ACOXL: variants seen among roughly 807,000 people sequenced by gnomAD.
The protein encoded by ACOXL is acyl-CoA oxidase like, also known as acyl-coenzyme A oxidase-like protein.
In ACOXL, 70 loss-of-function variants were observed where a neutral mutation model predicts 71.9. That is an observed-to-expected ratio of 0.97 (90% confidence interval 0.80 to 1.19). The LOEUF (loss-of-function observed/expected upper bound fraction) is 1.19. Ranked by LOEUF, ACOXL falls within the 50% of genes most tolerant of loss-of-function variation. The probability of loss-of-function intolerance (pLI) is 0.00; values close to 1 mark genes in which losing one functional copy is unlikely to be tolerated. For synonymous variants in ACOXL, 253 were observed against 281.6 expected (o/e 0.90, Z 1.02); for missense variants, 703 against 736.3 (o/e 0.95, Z 0.52).
intron 11 of ACOXL, among the ~76,000 whole-genome samples, chr2:110,931,382 C>G (rs1329665809): frequency 6.6e-6 from 1 of 152,106 alleles, no homozygotes; most frequent in Non-Finnish European, 1.5e-5. Context: ...TTGGAGAGAT[C>G]AATGGGGAAT....
At chr2:111,104,918 G>T (rs1391529709) in intron 17 of ACOXL, among the ~76,000 whole-genome samples, 1 of 151,982 alleles carries the variant, frequency 6.6e-6, no homozygotes, top group Non-Finnish European at 1.5e-5. Context: ...GATCCTGAAG[G>T]TATTATCCTA....
intron 9 of ACOXL, among the ~76,000 whole-genome samples, chr2:110,820,667 T>G (rs189301325): frequency 1.3e-5 from 2 of 152,202 alleles, no homozygotes; most frequent in Non-Finnish European, 2.9e-5. Context: ...GAGACTGTTA[T>G]ACCTCTGGTC....
chr2:111,085,544 C>A (rs566845022), intron 16 of ACOXL, among the ~76,000 whole-genome samples: 1 of 152,176 alleles, frequency 6.6e-6, no homozygotes, highest in East Asian at 1.9e-4. Flanking sequence ...AACAGAGATA[C>A]AATACAGCAG....
At chr2:110,782,440 A>C (rs186485102) in intron 2 of ACOXL, among the ~76,000 whole-genome samples, 5 of 152,372 alleles carry the variant, frequency 3.3e-5, no homozygotes, top group African/African-American at 9.6e-5. Flanking sequence ...GCTTATTCTC[A>C]GTTCTGGAAC....
intron 10 of ACOXL, among the ~76,000 whole-genome samples, chr2:110,848,173 A>G (rs986303089): frequency 2.0e-5 from 3 of 152,216 alleles, no homozygotes; most frequent in African/African-American, 7.2e-5. Flanking sequence ...GATCTTGTGG[A>G]GACAGCTGAG....
In ACOXL at chr2:110,851,735, G is replaced by A. The variant is rs188411786; in HGVS notation, c.788+10330G>A. Among the ~76,000 whole-genome samples, 41 of 152,308 alleles carry A rather than the reference G, an allele frequency of 2.7e-4. No homozygotes were observed. The East Asian group carries it at 4.4e-3, about 17-fold the overall frequency. ...CAGGGCGCTGGGATGACATCCCTCC[G>A]TGAAATACAGGTGCCTGAGGCCATG... On this transcript the variant is annotated intron_variant, in intron 10 of 17. Coordinates refer to ENST00000439055, the MANE Select transcript of ACOXL (RefSeq NM_001142807.4).
intron 12 of ACOXL, among the ~76,000 whole-genome samples, chr2:110,974,533 T>TA (rs2062358715): frequency 6.6e-6 from 1 of 152,222 alleles, no homozygotes; most frequent in African/African-American, 2.4e-5. Context: ...TCATTAGAGA[T>TA]ACACTAAGAC....
chr2:110,886,736 AG>A (rs1217725952), intron 10 of ACOXL: 1 of 1,550,310 alleles, frequency 6.5e-7, no homozygotes, highest in Non-Finnish European at 8.7e-7. Flanking sequence ...GCCTTGCGGA[AG>A]AACTGAATTT....
At chr2:110,772,257 G>GC (rs1261903578) in intron 2 of ACOXL, among the ~76,000 whole-genome samples, 1 of 152,142 alleles carries the variant, frequency 6.6e-6, no homozygotes, top group Non-Finnish European at 1.5e-5. Flanking sequence ...GGTGGTGCTT[G>GC]CCCCTGTCTG....
chr2:111,104,405 A>C (rs1448313661), intron 17 of ACOXL, among the ~76,000 whole-genome samples: 1 of 152,208 alleles, frequency 6.6e-6, no homozygotes, highest in Non-Finnish European at 1.5e-5. Flanking sequence ...ATTTTTAAGA[A>C]ATTACCAAAC....
chr2:110,956,588 G>A (rs76975690), intron 12 of ACOXL, among the ~76,000 whole-genome samples: 2,010 of 152,246 alleles, frequency 0.013, 17 homozygotes, highest in Non-Finnish European at 0.022. Flanking sequence ...GCACCACTGG[G>A]CACGGTGGAG....
intron 12 of ACOXL, among the ~76,000 whole-genome samples, chr2:110,983,137 C>T (rs1371397158): frequency 6.6e-6 from 1 of 152,226 alleles, no homozygotes; most frequent in East Asian, 1.9e-4. Context: ...TTGGAAATCA[C>T]ATTTTTCTAT....
chr2:110,968,342 G>A, intron 12 of ACOXL: 1 of 1,165,084 alleles, frequency 8.6e-7, no homozygotes, highest in Non-Finnish European at 1.3e-6. Flanking sequence ...GTGGCTGGAG[G>A]CTCATCTGTC....
intron 16 of ACOXL, 29 bp from the exon 17 acceptor site, chr2:111,092,836 C>T (rs757884064): frequency 4.0e-6 from 6 of 1,486,344 alleles, no homozygotes; most frequent in South Asian, 2.3e-5. Context: ...GCTATTTGTC[C>T]ATTTCTTTTG....
At chr2:110,805,031 C>A (rs139869186) in intron 8 of ACOXL, among the ~76,000 whole-genome samples, 1 of 152,156 alleles carries the variant, frequency 6.6e-6, no homozygotes, top group Non-Finnish European at 1.5e-5. Flanking sequence ...AGTCAGGCTC[C>A]GGTGCTGGTT....
chr2:110,957,332 A>G (rs1259188216), intron 12 of ACOXL, among the ~76,000 whole-genome samples: 1 of 152,186 alleles, frequency 6.6e-6, no homozygotes, highest in Non-Finnish European at 1.5e-5. Flanking sequence ...AGACTCCAAA[A>G]GATTTGTTCA....
At chr2:111,040,149 G>A (rs1008240195) in intron 15 of ACOXL, among the ~76,000 whole-genome samples, 7 of 152,208 alleles carry the variant, frequency 4.6e-5, no homozygotes, top group African/African-American at 7.2e-5. Flanking sequence ...GCCTAAGGTC[G>A]CAGCTGCTCA....
At chr2:111,027,503 G>A (rs1336192889) in intron 14 of ACOXL, among the ~76,000 whole-genome samples, 1 of 151,544 alleles carries the variant, frequency 6.6e-6, no homozygotes, top group Non-Finnish European at 1.5e-5. Context: ...TGTATTTTTG[G>A]TAGAGACAGG....
At chr2:111,055,884 C>T (rs760981247) in intron 16 of ACOXL, among the ~76,000 whole-genome samples, 3 of 151,874 alleles carry the variant, frequency 2.0e-5, no homozygotes, top group Non-Finnish European at 4.4e-5. Flanking sequence ...CCAGCCCTGG[C>T]CCCTTCTAGC....
Sources: gnomAD v4.1 joint callset for allele counts (sites outside exome capture counted in the v4.1 genomes callset) on GRCh38, gnomAD v4.1.1 for gene constraint, MANE v1.5 for transcripts, NCBI Gene and HGNC (gene_info 2026-07-23, HGNC 2026-07-21) for gene names.